The following TBC1D19 variants were observed in gnomAD, a reference collection of about 807,000 sequenced individuals.
TBC1D19 encodes TBC1 domain family, member 19.
A neutral mutation model predicts 89.0 loss-of-function variants in TBC1D19; 60 were observed. The ratio of observed to expected loss-of-function variants is 0.67; its 90% CI spans 0.55 to 0.84. The LOEUF (loss-of-function observed/expected upper bound fraction) is 0.84. Ranked by LOEUF, TBC1D19 falls within the 40% of genes least tolerant of loss-of-function variation. The pLI, the probability that TBC1D19 is intolerant of heterozygous loss-of-function variation, is 0.00. For synonymous variants in TBC1D19, 189 were observed against 199.7 expected (o/e 0.95, Z 0.45); for missense variants, 500 against 610.8 (o/e 0.82, Z 1.91).
the TBC1D19 span, among the ~76,000 whole-genome samples, chr4:26,830,912 A>G: frequency 6.6e-6 from 1 of 152,204 alleles, no homozygotes; most frequent in East Asian, 1.9e-4. Context: ...GTTTGAGTGA[A>G]GTGTATATGC....
Position 26,620,627 on chromosome 4 carries a change from G to A in TBC1D19, c.233G>A (p.Ser78Asn). ...TTTGCTCCTAGGTTTCCTTTACCTA[G>A]TCATCCTGCTGCACCTCCTGAACAT... ...YSELSVFPLP[S>N]HPAAPPEHLK... Residue 78 changes from serine to asparagine, a missense_variant, in exon 4 of 21, where the codon AGT (serine) becomes AAT (asparagine). This residue lies in a region of TBC1D19 where 280 missense variants were observed against 291.7 expected (regional missense o/e 0.96). Transcript: ENST00000264866. 1 of 1,613,684 alleles carries A rather than the reference G, an allele frequency of 6.2e-7. No homozygotes were observed.
chr4:26,628,162 G>A (rs1322494100), intron 4 of TBC1D19, among the ~76,000 whole-genome samples: 2 of 152,224 alleles, frequency 1.3e-5, no homozygotes, highest in South Asian at 4.2e-4. Flanking sequence ...CCCATTGCTT[G>A]TTTTTCTCAG....
intron 7 of TBC1D19, among the ~76,000 whole-genome samples, chr4:26,650,177 G>A (rs1048381985): frequency 1.2e-4 from 18 of 151,952 alleles, no homozygotes; most frequent in African/African-American, 4.1e-4. Flanking sequence ...AAACATACGT[G>A]TGCATGTGTC....
chr4:26,581,997 T>C (rs1022927233), upstream of TBC1D19, among the ~76,000 whole-genome samples: 4 of 151,890 alleles, frequency 2.6e-5, no homozygotes, highest in East Asian at 5.8e-4. Flanking sequence ...TGCTTGGACA[T>C]GCTTTCCGAA....
chr4:26,834,338 A>T, the TBC1D19 span, among the ~76,000 whole-genome samples: 8 of 152,312 alleles, frequency 5.3e-5, no homozygotes, highest in African/African-American at 1.9e-4. Context: ...CCCTGTGGTC[A>T]TAGCTGGTTA....
chr4:26,598,611 G>GTC (rs1222261304), intron 1 of TBC1D19, among the ~76,000 whole-genome samples: 2 of 152,142 alleles, frequency 1.3e-5, no homozygotes, highest in African/African-American at 4.8e-5. Context: ...AGCCAGGATG[G>GTC]TCTCTACCTC....
the TBC1D19 span, among the ~76,000 whole-genome samples, chr4:26,855,568 A>C: frequency 1.3e-5 from 2 of 151,946 alleles, no homozygotes; most frequent in East Asian, 3.9e-4. Flanking sequence ...ACTTATGGCC[A>C]TTTTTTTTAT....
the TBC1D19 span, among the ~76,000 whole-genome samples, chr4:26,775,576 T>TG: frequency 1.3e-5 from 2 of 152,162 alleles, no homozygotes; most frequent in Non-Finnish European, 2.9e-5. Flanking sequence ...GCTTTCAGGG[T>TG]GGCTACTCTT....
At chr4:26,589,467 GTTGT>G (rs1365159688) in intron 1 of TBC1D19, among the ~76,000 whole-genome samples, 1 of 152,168 alleles carries the variant, frequency 6.6e-6, no homozygotes, top group African/African-American at 2.4e-5. Flanking sequence ...GCAGAAGTCT[GTTGT>G]TTGTTATTCA....
intron 5 of TBC1D19, among the ~76,000 whole-genome samples, chr4:26,638,186 G>A (rs1743255826): frequency 6.7e-6 from 1 of 149,386 alleles, no homozygotes; most frequent in Non-Finnish European, 1.5e-5. Flanking sequence ...GTAGGAGAGA[G>A]TCAGTTTCCC....
chr4:26,819,185 T>A, the TBC1D19 span, among the ~76,000 whole-genome samples: 1 of 152,340 alleles, frequency 6.6e-6, no homozygotes, highest in East Asian at 1.9e-4. Flanking sequence ...TTCCCTTTTG[T>A]GTTTGTGAGC....
exon 1 of TBC1D19, chr4:26,576,719 G>A: frequency 2.2e-6 from 1 of 456,226 alleles, no homozygotes; most frequent in South Asian, 1.5e-5. Context: ...ACACAGCAGG[G>A]CAGAGAGCCA....
At chr4:26,650,702 A>G (rs1289739735) in intron 7 of TBC1D19, among the ~76,000 whole-genome samples, 1 of 152,076 alleles carries the variant, frequency 6.6e-6, no homozygotes, top group African/African-American at 2.4e-5. Flanking sequence ...TGCTGTGCAG[A>G]AGCTCTTTTG....
the TBC1D19 span, among the ~76,000 whole-genome samples, chr4:26,784,491 G>T: frequency 6.6e-6 from 1 of 152,172 alleles, no homozygotes; most frequent in African/African-American, 2.4e-5. Flanking sequence ...CAGATCTTAG[G>T]CTATGGCTAG....
chr4:26,642,458 C>T (rs533924550), intron 7 of TBC1D19, among the ~76,000 whole-genome samples: 4 of 152,186 alleles, frequency 2.6e-5, no homozygotes, highest in Non-Finnish European at 5.9e-5. Flanking sequence ...ACAACTGGTA[C>T]CAGCCACTGC....
At chr4:26,669,750 C>T (rs1712124946) in intron 9 of TBC1D19, among the ~76,000 whole-genome samples, 1 of 151,576 alleles carries the variant, frequency 6.6e-6, no homozygotes, top group African/African-American at 2.4e-5. Context: ...CTTGATTATT[C>T]AACTATTCTT....
the TBC1D19 span, among the ~76,000 whole-genome samples, chr4:26,804,391 T>C: frequency 6.6e-6 from 1 of 152,186 alleles, no homozygotes; most frequent in Non-Finnish European, 1.5e-5. Context: ...GTTGATCCAC[T>C]GGCTTCGGCC....
At chr4:26,856,574 C>G in the TBC1D19 span, among the ~76,000 whole-genome samples, 2 of 152,196 alleles carry the variant, frequency 1.3e-5, no homozygotes, top group Non-Finnish European at 2.9e-5. Flanking sequence ...AATGGGTATA[C>G]TAATTTACAT....
chr4:26,584,516 A>T (rs1009020443), intron 1 of TBC1D19, among the ~76,000 whole-genome samples: 6 of 152,198 alleles, frequency 3.9e-5, no homozygotes, highest in Non-Finnish European at 1.5e-5. Flanking sequence ...CCTCAGCCCC[A>T]GGCGTGGTTA....
Sources: gnomAD v4.1 joint callset for allele counts (sites outside exome capture counted in the v4.1 genomes callset) on GRCh38, gnomAD v4.1.1 for gene constraint, gnomAD v4.1.1 regional missense constraint, MANE v1.5 for transcripts, NCBI Gene and HGNC (gene_info 2026-07-23, HGNC 2026-07-21) for gene names.